The following GNAS-AS1 variants were observed in gnomAD, a reference collection of about 807,000 sequenced individuals.
The protein encoded by GNAS-AS1 is GNAS antisense RNA 1, also known as GNAS antisense RNA 1 (non-protein coding).
intron 4 of GNAS-AS1, among the ~76,000 whole-genome samples, chr20:58,830,200 C>T (rs560548373): frequency 5.0e-4 from 76 of 150,680 alleles, no homozygotes; most frequent in Admixed American, 1.7e-3. Context: ...ACCACATCAC[C>T]ATCATCACCA....
chr20:58,823,565 T>C (rs1443235896), intron 4 of GNAS-AS1, among the ~76,000 whole-genome samples: 1 of 152,204 alleles, frequency 6.6e-6, no homozygotes, highest in African/African-American at 2.4e-5. Flanking sequence ...CCCCATGGCC[T>C]TGCTATTAAT....
chr20:58,833,110 G>C (rs962200925), intron 4 of GNAS-AS1, among the ~76,000 whole-genome samples: 12 of 152,222 alleles, frequency 7.9e-5, no homozygotes, highest in African/African-American at 2.9e-4. Flanking sequence ...ACAGATTATT[G>C]CTTAAAGGCG....
chr20:58,835,000 T>C (rs770241233), intron 4 of GNAS-AS1, among the ~76,000 whole-genome samples: 7 of 152,180 alleles, frequency 4.6e-5, no homozygotes, highest in South Asian at 2.1e-4. Flanking sequence ...TGAGAGCCAA[T>C]TGATATCAGC....
chr20:58,837,767 C>T (rs1419593744), intron 4 of GNAS-AS1, among the ~76,000 whole-genome samples: 1 of 152,220 alleles, frequency 6.6e-6, no homozygotes, highest in Non-Finnish European at 1.5e-5. Flanking sequence ...ATGCTACAAA[C>T]TAACACAGAG....
At chr20:58,845,924 T>C (rs2085924725) in intron 2 of GNAS-AS1, among the ~76,000 whole-genome samples, 2 of 152,358 alleles carry the variant, frequency 1.3e-5, no homozygotes, top group Middle Eastern at 3.4e-3. Flanking sequence ...CAGCTCCCAC[T>C]GGGCATAGCC....
rs2085596691 is a variant in GNAS-AS1 at position 58,835,490 on chromosome 20, T to C, written n.819+6447A>G. Among the ~76,000 whole-genome samples the C allele has an allele frequency of 2.0e-5, 3 of 152,150 alleles. No individual in the cohort carries two copies. The South Asian group carries it at 6.2e-4, about 31-fold the overall frequency. On this transcript the variant is annotated intron_variant and non_coding_transcript_variant, in intron 4 of 4. Transcript: ENST00000424094. Reference sequence around the variant, plus strand: ...GGATTGAAAGCAATTCTCATGGGCTTTTAAAAATCAAAAGAAAATCTCAGA... The same window carrying C: ...GGATTGAAAGCAATTCTCATGGGCTCTTAAAAATCAAAAGAAAATCTCAGA...
intron 4 of GNAS-AS1, among the ~76,000 whole-genome samples, chr20:58,830,300 A>AC (rs2085549172): frequency 6.4e-5 from 4 of 62,708 alleles, no homozygotes; most frequent in South Asian, 5.7e-4. Context: ...CACCACCACC[A>AC]TCACCACCAC....
At chr20:58,842,003 T>C in exon 4 of GNAS-AS1, 3 of 889,052 alleles carry the variant, frequency 3.4e-6, no homozygotes, top group Non-Finnish European at 4.4e-6. Context: ...CGCCAGTCCT[T>C]GGACGATCAG....
In GNAS-AS1 at chr20:58,818,945, CG is replaced by C. The variant is rs1600641006; in HGVS notation, n.1129del. 4 of 398,188 alleles carry C rather than the reference CG, an allele frequency of 1.0e-5. No homozygotes were observed. In the East Asian group the frequency reaches 1.4e-4, roughly 14 times the overall value. The allele number at this position is 398,188 out of a possible 1,614,324, so 24.7% of individuals were successfully genotyped here. A position where few individuals can be genotyped will look rare whatever the true frequency, so the allele number is the denominator to read the frequency against. ...ACAGGGTGCATCTGGGAGGGCCTGC[CG>C]GGCCTTTATTCAACACTAGATACGC... is the stretch of plus-strand genomic sequence containing the variant. On this transcript the variant is annotated non_coding_transcript_exon_variant, in exon 5 of 5. Transcript: ENST00000424094.
rs908942214 is a variant in GNAS-AS1, at chr20:58,840,294, GCTTC to G, written n.819+1639_819+1642del. 6 of 1,612,520 alleles carry G rather than the reference GCTTC, an allele frequency of 3.7e-6. No homozygotes were observed. In the African/African-American group the frequency reaches 8.0e-5, roughly 22 times the overall value. ...CGCGCGGCTGCCCAACAGCGCCGGA[GCTTC>G]CTTAACGCCCACCACCGCTCCGGCG... is the stretch of plus-strand genomic sequence containing the variant. On this transcript the variant is annotated intron_variant and non_coding_transcript_variant, in intron 4 of 4. Coordinates refer to ENST00000424094, the Ensembl canonical transcript of GNAS-AS1. This position sits in a 1 kb window ranked among gnomAD's most constrained non-coding sequence, Gnocchi z 6.0.
chr20:58,836,783 C>T (rs2085606589), intron 4 of GNAS-AS1, among the ~76,000 whole-genome samples: 3 of 152,100 alleles, frequency 2.0e-5, no homozygotes, highest in African/African-American at 7.2e-5. Flanking sequence ...TGCAGTCCCC[C>T]ACTCCTTCCT....
intron 2 of GNAS-AS1, chr20:58,843,933 T>C (rs2085841373): frequency 6.6e-6 from 1 of 152,156 alleles, no homozygotes; most frequent in African/African-American, 2.4e-5. Flanking sequence ...ATGTTACAGT[T>C]TGGGATTGTT....
In GNAS-AS1 at chr20:58,841,108, C is replaced by T. The variant is rs1002484726; in HGVS notation, n.819+829G>A. Among the ~76,000 whole-genome samples, 21 of 152,106 alleles carry T rather than the reference C, an allele frequency of 1.4e-4. No homozygotes were observed. The highest frequency in any genetic ancestry group is 2.6e-4 in the Admixed American group (4 of 15,284). On this transcript the variant is annotated intron_variant and non_coding_transcript_variant, in intron 4 of 4. Transcript: ENST00000424094. This position sits in a 1 kb window ranked among gnomAD's most constrained non-coding sequence, Gnocchi z 5.0. ...GCCAAAGGCTTGTTGGACGGCGGGGCGCACGCCGTGCGTCCCGCTGGAGAC... is the reference window on the plus strand; with the variant it reads ...GCCAAAGGCTTGTTGGACGGCGGGGTGCACGCCGTGCGTCCCGCTGGAGAC...
chr20:58,838,916 CAAA>C (rs766172876), intron 4 of GNAS-AS1: 4,499 of 246,904 alleles, frequency 0.018, no homozygotes, highest in Middle Eastern at 0.021. Flanking sequence ...GATTCTGTCT[CAAA>C]AAAAAAAAAA....
chr20:58,834,908 C>T (rs958992446), intron 4 of GNAS-AS1, among the ~76,000 whole-genome samples: 2 of 152,220 alleles, frequency 1.3e-5, no homozygotes, highest in African/African-American at 2.4e-5. Context: ...GATTATTTCC[C>T]TCTATTGTTT....
At chr20:58,819,097 C>T in exon 5 of GNAS-AS1, 2 of 398,642 alleles carry the variant, frequency 5.0e-6, no homozygotes, top group Non-Finnish European at 8.8e-6. Flanking sequence ...ACTCTCTTTG[C>T]TTATCAAACC....
chr20:58,827,231 C>T (rs984116365), intron 4 of GNAS-AS1, among the ~76,000 whole-genome samples: 1 of 152,134 alleles, frequency 6.6e-6, no homozygotes, highest in Non-Finnish European at 1.5e-5. Flanking sequence ...TCATGGGCCT[C>T]AGAAACCCAG....
In GNAS-AS1 at chr20:58,840,323, G is replaced by T; in HGVS notation, n.819+1614C>A. The T allele has an allele frequency of 6.2e-7, 1 of 1,612,960 alleles. No individual in the cohort carries two copies. The highest frequency in any genetic ancestry group is 8.5e-7 in the Non-Finnish European group (1 of 1,179,998). ...CCTTAACGCCCACCACCGCTCCGGC[G>T]CCCAGGTATTCCCTGAGTCCCCCGA... On this transcript the variant is annotated intron_variant and non_coding_transcript_variant, in intron 4 of 4. Coordinates refer to ENST00000424094, the Ensembl canonical transcript of GNAS-AS1. The surrounding 1 kb of genome is among the most constrained non-coding windows in gnomAD (Gnocchi z 6.0).
At chr20:58,850,857 A>C (rs2086134670) in exon 1 of GNAS-AS1, 1 of 398,618 alleles carries the variant, frequency 2.5e-6, no homozygotes. Flanking sequence ...CCGGCTTCCA[A>C]CCACCCCAGC....
Sources: allele counts gnomAD v4.1 joint callset (sites outside exome capture counted in the v4.1 genomes callset), GRCh38; gene constraint gnomAD v4.1.1; non-coding constraint Gnocchi (gnomAD v3.1); transcripts MANE v1.5; gene names NCBI Gene and HGNC (gene_info 2026-07-23, HGNC 2026-07-21).